Variants in WNK1 observed in about 807,000 individuals in gnomAD.
The protein encoded by WNK1 is serine/threonine-protein kinase WNK1.
In WNK1, 38 loss-of-function variants were observed where a neutral mutation model predicts 222.8. The observed-to-expected ratio is 0.17, with a 90% CI of 0.13 to 0.22. WNK1 has a LOEUF of 0.22. Ranked by LOEUF, WNK1 falls within the 10% of genes least tolerant of loss-of-function variation. The probability of loss-of-function intolerance (pLI) is 1.00; values close to 1 mark genes in which losing one functional copy is unlikely to be tolerated. For missense variants in WNK1, 2,348 were observed against 2,918.4 expected, an observed-to-expected ratio of 0.80 and a Z score of 4.50; for synonymous variants, 1,090 against 1,092.9, an observed-to-expected ratio of 1.00 and a Z score of 0.05.
chr12:853,879 A>G (rs1425374544), intron 4 of WNK1, among the ~76,000 whole-genome samples: 1 of 151,912 alleles, frequency 6.6e-6, no homozygotes, highest in Non-Finnish European at 1.5e-5. Flanking sequence ...CCTCCTGAGT[A>G]GGTGGACCTA....
intron 1 of WNK1, among the ~76,000 whole-genome samples, chr12:797,478 G>A (rs921970544): frequency 2.6e-5 from 4 of 152,164 alleles, no homozygotes; most frequent in African/African-American, 2.4e-5. Flanking sequence ...TCAAATGATC[G>A]TAATAATACA....
Position 895,979 on chromosome 12 carries a change from TAA to T in WNK1, c.5584-90_5584-89del, listed in dbSNP as rs1954704648. 3 of 1,541,314 alleles carry T rather than the reference TAA, an allele frequency of 1.9e-6. No individual in the cohort carries two copies. The East Asian group carries it at 6.8e-5, about 35-fold the overall frequency. ...ATCAGCCTACTCTTTGACAGGGAAA[TAA>T]AGTGATTCTTTTTTTCCTTTTTTAA... On this transcript the variant is annotated intron_variant, in intron 23 of 27. Coordinates refer to ENST00000315939, the MANE Select transcript of WNK1 (RefSeq NM_018979.4).
At chr12:820,415 C>T (rs1016086875) in intron 2 of WNK1, among the ~76,000 whole-genome samples, 6 of 142,584 alleles carry the variant, frequency 4.2e-5, no homozygotes, top group Non-Finnish European at 9.1e-5. Context: ...ACTTTTGTAA[C>T]TTTACTGAAT....
intron 4 of WNK1, among the ~76,000 whole-genome samples, chr12:856,338 C>A (rs1056372367): frequency 6.6e-6 from 1 of 151,542 alleles, no homozygotes; most frequent in Non-Finnish European, 1.5e-5. Flanking sequence ...CCTGTATTCC[C>A]GGCTACTCAG....
rs553111876 is a variant in WNK1 at position 798,455 on chromosome 12, G to A, written c.760-15187G>A. ...GATCTGCCCGCCTCGGCCTCCCAAA[G>A]TGCTGGGATGACAGGCGTGAGCCAC... On this transcript the variant is annotated intron_variant, in intron 1 of 27. Transcript: ENST00000315939. 1.4e-3 allele frequency among the ~76,000 whole-genome samples: 215 copies of A among 152,258 alleles called. 1 individual carries two copies. Among genetic ancestry groups the A allele is most frequent in the African/African-American group, 4.9e-3 (205 of 41,556 alleles).
intron 26 of WNK1, chr12:906,660 T>C: frequency 1.0e-6 from 1 of 985,382 alleles, no homozygotes. Context: ...CTCCCAAGTT[T>C]ATGTTTGCAA....
intron 4 of WNK1, among the ~76,000 whole-genome samples, chr12:848,730 CAGAG>C (rs1181727707): frequency 6.6e-6 from 1 of 151,926 alleles, no homozygotes; most frequent in African/African-American, 2.4e-5. Context: ...AGGGGAAATC[CAGAG>C]AAAGGCACTG....
chr12:808,528 A>G (rs1216125323), intron 1 of WNK1, among the ~76,000 whole-genome samples: 1 of 151,534 alleles, frequency 6.6e-6, no homozygotes, highest in African/African-American at 2.4e-5. Flanking sequence ...TGGTTCAGCT[A>G]TTATATGTAT....
Position 896,572 on chromosome 12 carries a change from A to C in WNK1, c.6085A>C (p.Ser2029Arg). ...TAGGGATGTGGATGATGGTTCCGGT[A>C]GTCCACACTCGCCCCATCAGCTGAG... ...LSRDVDDGSGSPHSPHQLSSK... is the reference protein window; with the variant it reads ...LSRDVDDGSGRPHSPHQLSSK... Residue 2029 changes from serine (S) to arginine (R), a missense_variant, in exon 24 of 28, where the codon AGT becomes CGT. Transcript: ENST00000315939. 1 of 1,612,830 alleles carries C rather than the reference A, an allele frequency of 6.2e-7. No homozygotes were observed. Among genetic ancestry groups the C allele is most frequent in the African/African-American group, 1.3e-5 (1 of 74,660 alleles).
intron 4 of WNK1, among the ~76,000 whole-genome samples, chr12:853,357 A>C (rs1038481680): frequency 1.3e-5 from 2 of 152,354 alleles, no homozygotes; most frequent in East Asian, 3.8e-4. Context: ...TAGGATTAAC[A>C]AGAGGATTAT....
At chr12:848,968 CT>C (rs1771565027) in intron 4 of WNK1, among the ~76,000 whole-genome samples, 1 of 152,128 alleles carries the variant, frequency 6.6e-6, no homozygotes, top group African/African-American at 2.4e-5. Flanking sequence ...CTACCCACAT[CT>C]TTATATCTGA....
chr12:804,481 TC>T (rs1437168620), intron 1 of WNK1, among the ~76,000 whole-genome samples: 12 of 151,628 alleles, frequency 7.9e-5, no homozygotes, highest in African/African-American at 2.7e-4. Context: ...CAAGCGATTC[TC>T]CTGCCTCACC....
At chr12:822,184 C>T (rs191980609) in intron 2 of WNK1, among the ~76,000 whole-genome samples, 19 of 149,876 alleles carry the variant, frequency 1.3e-4, no homozygotes, top group Admixed American at 8.7e-4. Flanking sequence ...ACCCCCGCCT[C>T]CCGGGTTCAA....
chr12:817,798 G>A (rs888343292), intron 2 of WNK1, among the ~76,000 whole-genome samples: 1 of 148,668 alleles, frequency 6.7e-6, no homozygotes, highest in African/African-American at 2.5e-5. Context: ...CTAAAAATAC[G>A]AAAAATTAGC....
chr12:753,418 C>G lies in WNK1; in HGVS notation c.-148C>G. On this transcript the variant is annotated 5_prime_UTR_variant, in exon 1 of 28. Transcript: ENST00000315939. This position sits in a 1 kb window ranked among gnomAD's most constrained non-coding sequence, Gnocchi z 5.2. ...GCGGTCCGCCTGTCCCTCGTTGCGG[C>G]TTGTCGGTGCTGAGTGAGGCGTCGT... 9.6e-7 allele frequency: 1 copy of G among 1,043,140 alleles called. No homozygotes were observed. The highest frequency in any genetic ancestry group is 1.5e-5 in the South Asian group (1 of 64,894). The allele number at this position is 1,043,140 out of a possible 1,614,324, so 64.6% of individuals were successfully genotyped here. A position where few individuals can be genotyped will look rare whatever the true frequency, so the allele number is the denominator to read the frequency against.
At chr12:907,425 G>A (rs1041226188) in intron 26 of WNK1, among the ~76,000 whole-genome samples, 38 of 151,618 alleles carry the variant, frequency 2.5e-4, no homozygotes, top group Non-Finnish European at 3.5e-4. Context: ...TACTTTAACC[G>A]TGCCCAATGC....
Position 909,109 on chromosome 12 carries a change from AC to A in WNK1, c.*318del. 1 of 347,474 alleles carries A rather than the reference AC, an allele frequency of 2.9e-6. No homozygotes were observed. Among genetic ancestry groups the A allele is most frequent in the Non-Finnish European group, 5.4e-6 (1 of 184,328 alleles). The allele number at this position is 347,474 out of a possible 1,614,324, so 21.5% of individuals were successfully genotyped here. A position where few individuals can be genotyped will look rare whatever the true frequency, so the allele number is the denominator to read the frequency against. The stretch of plus-strand genomic sequence containing the variant: ...GTCTTGTTCATAAGGAAGCTGGAGA[AC>A]TCAATGTAAAATCAAACCCATCTGT... On this transcript the variant is annotated 3_prime_UTR_variant, in exon 28 of 28. Transcript: ENST00000315939.
chr12:838,142 G>A (rs1009881286), intron 4 of WNK1, among the ~76,000 whole-genome samples: 3 of 150,574 alleles, frequency 2.0e-5, no homozygotes, highest in African/African-American at 4.9e-5. Context: ...GCCATTTATC[G>A]ATTGGTAGAC....
chr12:779,408 T>C (rs1383759064), intron 1 of WNK1, among the ~76,000 whole-genome samples: 10 of 148,978 alleles, frequency 6.7e-5, no homozygotes, highest in African/African-American at 9.9e-5. Flanking sequence ...TTTTTTTTTT[T>C]TCTTTTTTTT....
Sources: gnomAD v4.1 joint callset for allele counts (sites outside exome capture counted in the v4.1 genomes callset) on GRCh38, gnomAD v4.1.1 for gene constraint, Gnocchi (gnomAD v3.1) non-coding constraint, MANE v1.5 for transcripts, NCBI Gene and HGNC (gene_info 2026-07-23, HGNC 2026-07-21) for gene names.